The following ZFHX3 variants were observed in gnomAD, a reference collection of about 807,000 sequenced individuals.
The protein encoded by ZFHX3 is zinc finger homeobox protein 3.
A neutral mutation model predicts 279.1 loss-of-function variants in ZFHX3; 42 were observed. The observed-to-expected ratio is 0.15, with a 90% confidence interval of 0.12 to 0.19. The LOEUF (loss-of-function observed/expected upper bound fraction) is 0.19. Ranked by LOEUF, ZFHX3 falls within the 10% of genes least tolerant of loss-of-function variation. The pLI, the probability that ZFHX3 is intolerant of heterozygous loss-of-function variation, is 1.00. For missense variants in ZFHX3, 4,981 were observed against 4,754.0 expected (o/e 1.05, Z -1.40); for synonymous variants, 2,293 against 1,957.8 (o/e 1.17, Z -4.52).
At chr16:73,152,863 CTGAGCCGGG>C in intron 5 of ZFHX3, among the ~76,000 whole-genome samples, 1 of 151,770 alleles carries the variant, frequency 6.6e-6, no homozygotes, top group South Asian at 2.1e-4. Flanking sequence ...AGAGGGCCAG[CTGAGCCGGG>C]TAATCAAAGC....
intron 8 of ZFHX3, among the ~76,000 whole-genome samples, chr16:73,064,906 C>T (rs1473873163): frequency 1.3e-5 from 2 of 152,208 alleles, no homozygotes; most frequent in African/African-American, 2.4e-5. Flanking sequence ...CTTTTGGTGA[C>T]CTGGTAGGTA....
At chr16:73,508,827 C>G (rs2019373954) in intron 2 of ZFHX3, among the ~76,000 whole-genome samples, 1 of 152,184 alleles carries the variant, frequency 6.6e-6, no homozygotes, top group Admixed American at 6.5e-5. Flanking sequence ...CCTTCTTTGT[C>G]AAAGGAGGCT....
At chr16:73,878,031 T>C (rs2030011438) in intron 1 of ZFHX3, among the ~76,000 whole-genome samples, 1 of 152,054 alleles carries the variant, frequency 6.6e-6, no homozygotes, top group African/African-American at 2.4e-5. Context: ...CATACCATCA[T>C]TTCTCTTTTT....
At chr16:73,036,740 G>A (rs1407025279) in intron 1 of ZFHX3, among the ~76,000 whole-genome samples, 1 of 152,102 alleles carries the variant, frequency 6.6e-6, no homozygotes, top group Non-Finnish European at 1.5e-5. Flanking sequence ...TTTCTCCTTG[G>A]GTTAATCAAA....
At chr16:73,759,316 G>T (rs2053840384) in intron 1 of ZFHX3, among the ~76,000 whole-genome samples, 1 of 152,108 alleles carries the variant, frequency 6.6e-6, no homozygotes, top group South Asian at 2.1e-4. Flanking sequence ...TTCTGCCAGT[G>T]GGAAGGGAAT....
chr16:73,129,036 T>C (rs1166581245), intron 7 of ZFHX3, among the ~76,000 whole-genome samples: 1 of 152,038 alleles, frequency 6.6e-6, no homozygotes, highest in Non-Finnish European at 1.5e-5. Context: ...TTCCCCACAC[T>C]CTTCCAAAGG....
chr16:73,654,938 G>C (rs1475000652), intron 2 of ZFHX3, among the ~76,000 whole-genome samples: 1 of 137,898 alleles, frequency 7.3e-6, no homozygotes, highest in African/African-American at 2.7e-5. Flanking sequence ...TCTGCTCACT[G>C]CAACTTCCGC....
rs1407470746 is a variant in ZFHX3, at chr16:72,785,939, G to T, written c.*1225C>A. 1.3e-5 allele frequency: 2 copies of T among 152,124 alleles called. No homozygotes were observed. The highest frequency in any genetic ancestry group is 2.9e-5 in the Non-Finnish European group (2 of 68,030). 9.4% of individuals were successfully genotyped at this position (152,124 alleles called of 1,614,324 possible). On this transcript the variant is annotated 3_prime_UTR_variant, in exon 10 of 10. Coordinates refer to ENST00000268489, the MANE Select transcript of ZFHX3 (RefSeq NM_006885.4). ...CTCCCCAACCAAAAATAATCTGTGA[G>T]GATCCTAATGACCCCTAGAATCCCT...
chr16:72,789,010 G>C, intron 9 of ZFHX3, 162 bp from the exon 10 acceptor site: 1 of 1,073,474 alleles, frequency 9.3e-7, no homozygotes, highest in Non-Finnish European at 1.3e-6. Flanking sequence ...CCAGGCTCAG[G>C]GCTGGACAAC....
chr16:73,728,021 C>CT (rs1555535442), intron 1 of ZFHX3, among the ~76,000 whole-genome samples: 6 of 100,396 alleles, frequency 6.0e-5, no homozygotes, highest in Admixed American at 1.3e-4. Flanking sequence ...TTGTGCCCCC[C>CT]CCCCGCCCCC....
At chr16:73,111,807 A>T (rs1966378140) in intron 7 of ZFHX3, among the ~76,000 whole-genome samples, 1 of 152,116 alleles carries the variant, frequency 6.6e-6, no homozygotes, top group Non-Finnish European at 1.5e-5. Flanking sequence ...ACACATTCTA[A>T]ACCCTTGCCA....
chr16:73,889,896 C>A (rs1367530661), intron 1 of ZFHX3, among the ~76,000 whole-genome samples: 1 of 152,130 alleles, frequency 6.6e-6, no homozygotes, highest in African/African-American at 2.4e-5. Flanking sequence ...ATTAGGAAAT[C>A]CATTTAAAGT....
intron 2 of ZFHX3, among the ~76,000 whole-genome samples, chr16:73,629,063 C>G (rs1240292464): frequency 6.6e-6 from 1 of 152,136 alleles, no homozygotes; most frequent in Non-Finnish European, 1.5e-5. Flanking sequence ...CCGGTGTGCC[C>G]GTGACAAAGT....
chr16:73,260,259 T>G (rs2013781880), intron 4 of ZFHX3, among the ~76,000 whole-genome samples: 1 of 152,190 alleles, frequency 6.6e-6, no homozygotes, highest in Non-Finnish European at 1.5e-5. Context: ...TTTGTCCCAA[T>G]ACTGGTGATG....
At chr16:73,607,755 T>C (rs2052205402) in intron 2 of ZFHX3, among the ~76,000 whole-genome samples, 1 of 152,206 alleles carries the variant, frequency 6.6e-6, no homozygotes, top group African/African-American at 2.4e-5. Flanking sequence ...AAATATATGC[T>C]GAACACTCTC....
intron 3 of ZFHX3, among the ~76,000 whole-genome samples, chr16:73,333,892 T>C (rs1597288825): frequency 1.3e-5 from 2 of 151,050 alleles, no homozygotes; most frequent in East Asian, 3.9e-4. Flanking sequence ...CACAGCTGAC[T>C]TCCACCTTGT....
At chr16:73,457,730 G>A (rs1464517920) in intron 2 of ZFHX3, among the ~76,000 whole-genome samples, 3 of 152,226 alleles carry the variant, frequency 2.0e-5, no homozygotes, top group African/African-American at 7.2e-5. Flanking sequence ...AGCCGAGATT[G>A]CACCACTGCA....
At chr16:72,997,245 C>T (rs1963330203) in intron 1 of ZFHX3, among the ~76,000 whole-genome samples, 1 of 152,154 alleles carries the variant, frequency 6.6e-6, no homozygotes, top group Admixed American at 6.5e-5. Context: ...GGTCTCCATC[C>T]CACTGGAGAA....
At position 72,984,236 on chromosome 16, in the gene ZFHX3, A is replaced by C. The variant is rs1962747333; in HGVS notation, c.-49-24042T>G. Among the ~76,000 whole-genome samples, 3 of 152,346 alleles carry C rather than the reference A, an allele frequency of 2.0e-5. No homozygotes were observed. In the South Asian group the frequency reaches 6.2e-4, roughly 32 times the overall value. On this transcript the variant is annotated intron_variant, in intron 1 of 9. Transcript: ENST00000268489. ...CTGGCAAGACAGTCAGGAAGGTGGC[A>C]GCTGCCCTGATTCAACCTTCCTCCT...
Sources: allele counts gnomAD v4.1 joint callset (sites outside exome capture counted in the v4.1 genomes callset), GRCh38; gene constraint gnomAD v4.1.1; transcripts MANE v1.5; gene names NCBI Gene and HGNC (gene_info 2026-07-23, HGNC 2026-07-21).